The following DENND1A variants were observed in gnomAD, a reference collection of about 807,000 sequenced individuals.
DENND1A encodes DENN domain containing 1A, also known as DENN domain-containing protein 1A.
A neutral mutation model predicts 113.7 loss-of-function variants in DENND1A; 51 were observed. That is an observed-to-expected ratio of 0.45 (90% CI 0.36 to 0.57). The LOEUF is 0.57. DENND1A is among the 20% of genes least tolerant of loss of function. The pLI is 0.00. For synonymous variants in DENND1A, 565 were observed against 570.8 expected (o/e 0.99, Z 0.14); for missense variants, 1,258 against 1,395.9 (o/e 0.90, Z 1.57).
At chr9:123,559,736 G>A (rs1336504986) in intron 12 of DENND1A, among the ~76,000 whole-genome samples, 1 of 152,120 alleles carries the variant, frequency 6.6e-6, no homozygotes, top group African/African-American at 2.4e-5. Flanking sequence ...GGTTTTTAGT[G>A]TAGTCACAAG....
At chr9:123,621,297 T>C (rs1418037889) in intron 10 of DENND1A, among the ~76,000 whole-genome samples, 4 of 152,032 alleles carry the variant, frequency 2.6e-5, no homozygotes, top group African/African-American at 4.8e-5. Context: ...GCAATTCTCG[T>C]GCTTCAGCCT....
At chr9:123,791,851 T>C (rs1030707671) in intron 3 of DENND1A, among the ~76,000 whole-genome samples, 3 of 152,178 alleles carry the variant, frequency 2.0e-5, no homozygotes, top group African/African-American at 7.2e-5. Flanking sequence ...GTATACCAAA[T>C]TGCATATTTG....
intron 1 of DENND1A, among the ~76,000 whole-genome samples, chr9:123,920,954 TTTCTTCCCAACCAGCAAGAGCA>T (rs1359252378): frequency 6.6e-6 from 1 of 152,168 alleles, no homozygotes; most frequent in African/African-American, 2.4e-5. Context: ...ATAGGCTTCC[TTTCTTCCCAACCAGCAAGAGCA>T]ATAGTGCTTT....
At chr9:123,457,299 T>C (rs532316188) in intron 15 of DENND1A, 49 bp downstream of exon 15, 3 of 1,451,596 alleles carry the variant, frequency 2.1e-6, no homozygotes, top group African/African-American at 2.8e-5. Context: ...AAATATGCCC[T>C]AAATGATAGC....
At chr9:123,541,649 T>C (rs2056296942) in intron 13 of DENND1A, among the ~76,000 whole-genome samples, 1 of 152,080 alleles carries the variant, frequency 6.6e-6, no homozygotes, top group African/African-American at 2.4e-5. Flanking sequence ...AAGCCAAACA[T>C]AAATAATCTC....
At chr9:123,462,979 G>A (rs777826263) in intron 13 of DENND1A, among the ~76,000 whole-genome samples, 6 of 152,090 alleles carry the variant, frequency 3.9e-5, no homozygotes, top group Non-Finnish European at 7.3e-5. Context: ...CCTGCGTCCT[G>A]CAAGTAAAAA....
At chr9:123,673,846 T>G (rs2063887195) in intron 6 of DENND1A, among the ~76,000 whole-genome samples, 1 of 152,156 alleles carries the variant, frequency 6.6e-6, no homozygotes, top group South Asian at 2.1e-4. Context: ...CTTGCCTGTA[T>G]TTTCTTTTTA....
intron 5 of DENND1A, among the ~76,000 whole-genome samples, chr9:123,686,336 G>A (rs1399792515): frequency 6.6e-6 from 1 of 152,202 alleles, no homozygotes. Flanking sequence ...TTCTCAGTCT[G>A]ACCTGCTCTA....
intron 5 of DENND1A, among the ~76,000 whole-genome samples, chr9:123,709,114 T>C (rs929912231): frequency 6.6e-6 from 1 of 152,182 alleles, no homozygotes; most frequent in African/African-American, 2.4e-5. Context: ...TCAAGTCTGT[T>C]CTATGTCTAA....
chr9:123,566,710 C>CTTTAT (rs2058071879), intron 12 of DENND1A, among the ~76,000 whole-genome samples: 1 of 152,048 alleles, frequency 6.6e-6, no homozygotes, highest in East Asian at 1.9e-4. Context: ...CAGGAGGAGT[C>CTTTAT]TTGCCCACAC....
At chr9:123,618,372 C>T (rs2060762350) in intron 10 of DENND1A, among the ~76,000 whole-genome samples, 1 of 152,204 alleles carries the variant, frequency 6.6e-6, no homozygotes, top group African/African-American at 2.4e-5. Flanking sequence ...TCAAGCCAGG[C>T]TCCAAATCAG....
At chr9:123,503,795 C>A (rs2052689610) in intron 13 of DENND1A, among the ~76,000 whole-genome samples, 2 of 152,184 alleles carry the variant, frequency 1.3e-5, no homozygotes, top group South Asian at 4.1e-4. Flanking sequence ...CTCCCCATCA[C>A]CAACAGGTCT....
intron 12 of DENND1A, among the ~76,000 whole-genome samples, chr9:123,558,042 ATGT>A (rs984413783): frequency 1.3e-4 from 20 of 152,328 alleles, no homozygotes; most frequent in African/African-American, 4.8e-4. Context: ...ATTTAAATGA[ATGT>A]TGTTCCTATT....
intron 2 of DENND1A, among the ~76,000 whole-genome samples, chr9:123,819,601 G>C (rs1425554213): frequency 6.6e-6 from 1 of 152,122 alleles, no homozygotes; most frequent in Admixed American, 6.5e-5. Context: ...TCAGTGGCAC[G>C]ATCTTGGCTC....
At chr9:123,551,098 C>T (rs1424080403) in intron 13 of DENND1A, among the ~76,000 whole-genome samples, 5 of 152,218 alleles carry the variant, frequency 3.3e-5, no homozygotes, top group Non-Finnish European at 7.3e-5. Context: ...GTAGCTCTGT[C>T]ATTTAAGTCG....
chr9:123,749,726 G>C (rs558019147), intron 5 of DENND1A, among the ~76,000 whole-genome samples: 88 of 152,248 alleles, frequency 5.8e-4, no homozygotes, highest in African/African-American at 1.9e-3. Context: ...ACTAGAGGTA[G>C]CAAGATGATT....
rs1418151754 is a variant in DENND1A, at chr9:123,381,354, A to T, written c.*78T>A. ...ACCAGCAGAACCTGGGCAGAGAGAG[A>T]GTGGCGGGGGAGCCTCGGAACCGCA... On this transcript the variant is annotated 3_prime_UTR_variant, in exon 24 of 24. Coordinates refer to ENST00000394215, the MANE Select transcript of DENND1A (RefSeq NM_001352964.2). The surrounding 1 kb of genome is among the most constrained non-coding windows in gnomAD (Gnocchi z 4.7). The T allele has an allele frequency of 2.2e-6, 3 of 1,379,344 alleles. No homozygotes were observed. The highest frequency in any genetic ancestry group is 2.0e-4 in the Middle Eastern group (1 of 5,108). The allele number at this position is 1,379,344 out of a possible 1,614,324, so 85.4% of individuals were successfully genotyped here.
chr9:123,898,728 T>C (rs1042277897), intron 1 of DENND1A, among the ~76,000 whole-genome samples: 6 of 152,260 alleles, frequency 3.9e-5, no homozygotes, highest in African/African-American at 1.2e-4. Context: ...TGACAGGTTT[T>C]GAAGAGCAAA....
chr9:123,609,277 G>A (rs935483903), intron 11 of DENND1A, among the ~76,000 whole-genome samples, 159 bp downstream of exon 11: 11 of 152,238 alleles, frequency 7.2e-5, no homozygotes, highest in South Asian at 2.1e-4. Context: ...CCCAGTGCAC[G>A]GCGTCCAAAC....
Sources: gnomAD v4.1 joint callset for allele counts (sites outside exome capture counted in the v4.1 genomes callset) on GRCh38, gnomAD v4.1.1 for gene constraint, Gnocchi (gnomAD v3.1) non-coding constraint, MANE v1.5 for transcripts, NCBI Gene and HGNC (gene_info 2026-07-23, HGNC 2026-07-21) for gene names.